The following NLGN1 variants were observed in gnomAD, a reference collection of about 807,000 sequenced individuals.
The protein encoded by NLGN1 is neuroligin-1.
NLGN1 carries 12 observed loss-of-function variants against 65.5 expected under a neutral mutation model. The ratio of observed to expected loss-of-function variants is 0.18; its 90% confidence interval spans 0.12 to 0.30. The LOEUF is 0.30. Among genes scored for constraint, NLGN1 ranks in the 10% least tolerant of loss-of-function variants. NLGN1 has a pLI of 1.00. For synonymous variants in NLGN1, 350 were observed against 359.5 expected (o/e 0.97, Z 0.30); for missense variants, 750 against 1,007.1 (o/e 0.74, Z 3.46).
At chr3:173,812,759 G>GTATA (rs63429660) in intron 4 of NLGN1, among the ~76,000 whole-genome samples, 3 of 144,132 alleles carry the variant, frequency 2.1e-5, no homozygotes, top group South Asian at 2.2e-4. Context: ...GTGTGTGCGT[G>GTATA]TATATATATA....
At chr3:174,088,802 A>T (rs1384445102) in intron 4 of NLGN1, among the ~76,000 whole-genome samples, 2 of 148,170 alleles carry the variant, frequency 1.3e-5, no homozygotes, top group Non-Finnish European at 3.0e-5. Context: ...ATAAATAAAT[A>T]AATAAAACTA....
chr3:173,649,868 T>G (rs970491087), intron 3 of NLGN1, among the ~76,000 whole-genome samples: 1 of 152,096 alleles, frequency 6.6e-6, no homozygotes, highest in African/African-American at 2.4e-5. Flanking sequence ...CTTGAGTTCT[T>G]ATTTAAAAAA....
At chr3:174,035,114 T>A (rs1204397964) in intron 4 of NLGN1, among the ~76,000 whole-genome samples, 1 of 152,192 alleles carries the variant, frequency 6.6e-6, no homozygotes, top group Non-Finnish European at 1.5e-5. Flanking sequence ...GACAAATTTT[T>A]AAAATTTACA....
At chr3:173,720,621 G>T (rs1004936845) in intron 3 of NLGN1, among the ~76,000 whole-genome samples, 1 of 152,106 alleles carries the variant, frequency 6.6e-6, no homozygotes, top group East Asian at 1.9e-4. Context: ...ATTCCACTGA[G>T]GAGAAAACAC....
chr3:173,529,452 G>A (rs1736183258), intron 2 of NLGN1, among the ~76,000 whole-genome samples: 1 of 152,200 alleles, frequency 6.6e-6, no homozygotes, highest in Non-Finnish European at 1.5e-5. Flanking sequence ...AAGAGCACAA[G>A]CACCAGACTT....
chr3:174,015,927 G>A (rs1463370963), intron 4 of NLGN1, among the ~76,000 whole-genome samples: 3 of 152,096 alleles, frequency 2.0e-5, no homozygotes, highest in African/African-American at 7.2e-5. Context: ...AAAGGTGGCT[G>A]AAAATGATCA....
intron 4 of NLGN1, among the ~76,000 whole-genome samples, chr3:174,168,780 C>G (rs1219923262): frequency 6.6e-6 from 1 of 152,152 alleles, no homozygotes; most frequent in Non-Finnish European, 1.5e-5. Context: ...CCTGCAGGTT[C>G]CCTGATGGCA....
At chr3:173,745,271 C>A (rs1775193744) in intron 3 of NLGN1, among the ~76,000 whole-genome samples, 1 of 152,006 alleles carries the variant, frequency 6.6e-6, no homozygotes, top group Non-Finnish European at 1.5e-5. Context: ...GACAGCCTTC[C>A]CCATCCACTG....
At chr3:173,708,163 A>G (rs1288098004) in intron 3 of NLGN1, among the ~76,000 whole-genome samples, 2 of 152,216 alleles carry the variant, frequency 1.3e-5, no homozygotes, top group South Asian at 2.1e-4. Flanking sequence ...GGCATGGGCC[A>G]ATATAAAAAT....
At chr3:173,450,549 C>T (rs552296247) in intron 2 of NLGN1, among the ~76,000 whole-genome samples, 1 of 152,202 alleles carries the variant, frequency 6.6e-6, no homozygotes, top group East Asian at 1.9e-4. Flanking sequence ...CTTGGAGTTG[C>T]TCTTCTTGAG....
At chr3:174,191,384 A>G (rs1213919963) in intron 4 of NLGN1, among the ~76,000 whole-genome samples, 1 of 152,168 alleles carries the variant, frequency 6.6e-6, no homozygotes, top group Non-Finnish European at 1.5e-5. Context: ...ATTTTTTAGT[A>G]CATAGTAGAG....
chr3:173,603,301 C>T (rs1195896311), intron 2 of NLGN1, among the ~76,000 whole-genome samples: 1 of 152,098 alleles, frequency 6.6e-6, no homozygotes, highest in Non-Finnish European at 1.5e-5. Flanking sequence ...TTACGTTGCA[C>T]TGAATGTTAT....
At chr3:173,838,646 C>T (rs1213559305) in intron 4 of NLGN1, among the ~76,000 whole-genome samples, 3 of 151,992 alleles carry the variant, frequency 2.0e-5, no homozygotes, top group East Asian at 1.9e-4. Flanking sequence ...AAAAAAATGT[C>T]GAATGAATGA....
chr3:174,047,311 A>G (rs1248314582), intron 4 of NLGN1, among the ~76,000 whole-genome samples: 1 of 152,022 alleles, frequency 6.6e-6, no homozygotes, highest in Non-Finnish European at 1.5e-5. Flanking sequence ...AATGTATTGT[A>G]CAGTAAACCC....
At chr3:173,807,639 T>C in intron 3 of NLGN1, 41 bp from the exon 4 acceptor site, 3 of 1,600,118 alleles carry the variant, frequency 1.9e-6, no homozygotes, top group Non-Finnish European at 2.6e-6. Context: ...TTGTGTGTTA[T>C]TTTTGAGGAT....
At chr3:174,128,947 C>A (rs894085802) in intron 4 of NLGN1, among the ~76,000 whole-genome samples, 1 of 152,138 alleles carries the variant, frequency 6.6e-6, no homozygotes, top group South Asian at 2.1e-4. Flanking sequence ...AGAGAAATTT[C>A]TCATCAGAAT....
At chr3:174,256,496 T>C (rs1175537126) in intron 4 of NLGN1, among the ~76,000 whole-genome samples, 2 of 152,150 alleles carry the variant, frequency 1.3e-5, no homozygotes, top group African/African-American at 2.4e-5. Flanking sequence ...ATTTTTTAGC[T>C]AGGATGAATT....
intron 2 of NLGN1, among the ~76,000 whole-genome samples, chr3:173,537,217 G>A (rs1173637182): frequency 2.0e-5 from 3 of 152,196 alleles, no homozygotes; most frequent in African/African-American, 7.2e-5. Flanking sequence ...ACAAATCCAC[G>A]TGTTGTCAAC....
chr3:173,494,148 T>TGC (rs967761013), intron 2 of NLGN1, among the ~76,000 whole-genome samples: 8 of 143,146 alleles, frequency 5.6e-5, no homozygotes, highest in African/African-American at 8.0e-5. Context: ...TGTGTGTGTG[T>TGC]GCGCGTGCAT....
Sources: gnomAD v4.1 joint callset for allele counts (sites outside exome capture counted in the v4.1 genomes callset) on GRCh38, gnomAD v4.1.1 for gene constraint, MANE v1.5 for transcripts, NCBI Gene and HGNC (gene_info 2026-07-23, HGNC 2026-07-21) for gene names.